ALDH16A1: variants seen among roughly 807,000 people sequenced by gnomAD.
ALDH16A1 encodes aldehyde dehydrogenase family 16 member A1.
ALDH16A1 carries 88 observed loss-of-function variants against 96.1 expected under a neutral mutation model. The ratio of observed to expected loss-of-function variants is 0.92; its 90% CI spans 0.77 to 1.09. The LOEUF (loss-of-function observed/expected upper bound fraction) is 1.09. Ranked by LOEUF, ALDH16A1 falls within the 50% of genes least tolerant of loss-of-function variation. ALDH16A1 has a pLI of 0.00. For missense variants in ALDH16A1, 1,250 were observed against 1,112.6 expected (o/e 1.12, Z -1.76); for synonymous variants, 522 against 496.4 (o/e 1.05, Z -0.69).
intron 10 of ALDH16A1, 30 bp downstream of exon 10, chr19:49,464,293 C>G: frequency 6.3e-7 from 1 of 1,595,978 alleles, no homozygotes; most frequent in South Asian, 1.1e-5. Context: ...GCGCTCACTC[C>G]TCTCCTCATT....
At chr19:49,460,656 C>T (rs543585924) in intron 4 of ALDH16A1, among the ~76,000 whole-genome samples, 166 bp from the exon 5 acceptor site, 7 of 151,920 alleles carry the variant, frequency 4.6e-5, no homozygotes, top group South Asian at 2.1e-4. Flanking sequence ...TCAGGTGATC[C>T]GCCCACCTCG....
At position 49,453,342 on chromosome 19, in the gene ALDH16A1, C is replaced by A. The variant is rs2079082182; in HGVS notation, c.11C>A (p.Thr4Lys). The A allele has an allele frequency of 6.4e-7, 1 of 1,554,772 alleles. No homozygotes were observed. ...CGTTCGGGGTAGGCGATGGCTGCGA[C>A]GCGTGCAGGGCCCCGCGCCCGCGAG... MAA[T>K]RAGPRAREIF... is the part of the protein sequence containing the mutation. Residue 4 changes from threonine to lysine, a missense_variant, in exon 1 of 17, where the codon ACG becomes AAG. Thr to Lys is a moderately conservative substitution (Grantham distance 78). Transcript: ENST00000293350.
rs916268898 is a variant in ALDH16A1 at position 49,470,653 on chromosome 19, T to C, written c.*186T>C. 13 of 520,690 alleles carry C rather than the reference T, an allele frequency of 2.5e-5. No individual in the cohort carries two copies. The highest frequency in any genetic ancestry group is 4.5e-5 in the Admixed American group (1 of 22,276). The allele number at this position is 520,690 out of a possible 1,614,324, so 32.3% of individuals were successfully genotyped here. A position where few individuals can be genotyped will look rare whatever the true frequency, so the allele number is the denominator to read the frequency against. On this transcript the variant is annotated 3_prime_UTR_variant, in exon 17 of 17. Coordinates refer to ENST00000293350, the MANE Select transcript of ALDH16A1 (RefSeq NM_153329.4). The stretch of plus-strand genomic sequence containing the variant: ...GGCAGATATGAGGCTTTTTTCTTTT[T>C]TTTTTTTTTTTTTGAGACAACGTCT...
At chr19:49,460,218 A>G (rs1372218388) in intron 4 of ALDH16A1, among the ~76,000 whole-genome samples, 1 of 151,386 alleles carries the variant, frequency 6.6e-6, no homozygotes, top group Non-Finnish European at 1.5e-5. Flanking sequence ...CGGTCCCCTC[A>G]TTCTTTTTCT....
In ALDH16A1 at chr19:49,468,276, G is replaced by A; in HGVS notation, c.1939-105G>A. ...TGGCAGGGGCTTCCACAATGGTGCGGTTTGGGCCAACACCAAGTGTTGGGG... is the reference window on the plus strand; with the variant it reads ...TGGCAGGGGCTTCCACAATGGTGCGATTTGGGCCAACACCAAGTGTTGGGG... On this transcript the variant is annotated intron_variant, in intron 14 of 16. Transcript: ENST00000293350. The surrounding 1 kb of genome is among the most constrained non-coding windows in gnomAD (Gnocchi z 4.4). The A allele has an allele frequency of 2.4e-6, 3 of 1,238,772 alleles. No individual in the cohort carries two copies. Among genetic ancestry groups the A allele is most frequent in the African/African-American group, 1.5e-5 (1 of 66,850 alleles). The allele number at this position is 1,238,772 out of a possible 1,614,324, so 76.7% of individuals were successfully genotyped here.
Position 49,464,278 on chromosome 19 carries a change from C to T in ALDH16A1, c.1331+15C>T. The T allele has an allele frequency of 1.3e-6, 2 of 1,598,988 alleles. No homozygotes were observed. Among genetic ancestry groups the T allele is most frequent in the Non-Finnish European group, 1.7e-6 (2 of 1,177,402 alleles). On this transcript the variant is annotated intron_variant, in intron 10 of 16. Coordinates refer to ENST00000293350, the MANE Select transcript of ALDH16A1 (RefSeq NM_153329.4). ...CTGGGCTATGGGTCAGTCTGCGTGG[C>T]CCGGGCGCTCACTCCTCTCCTCATT... is the stretch of plus-strand genomic sequence containing the variant.
At position 49,468,322 on chromosome 19, in the gene ALDH16A1, C is replaced by A; in HGVS notation, c.1939-59C>A. ...TGGGGAGAATGTAGAGGAACTGGAT[C>A]TCTCATTTACTGCGGGCGGGGCTCC... On this transcript the variant is annotated intron_variant, in intron 14 of 16. Transcript: ENST00000293350. The surrounding 1 kb of genome is among the most constrained non-coding windows in gnomAD (Gnocchi z 4.4). 6.5e-7 allele frequency: 1 copy of A among 1,532,848 alleles called. No individual in the cohort carries two copies. Among genetic ancestry groups the A allele is most frequent in the Non-Finnish European group, 8.8e-7 (1 of 1,134,538 alleles). The allele number at this position is 1,532,848 out of a possible 1,614,324, so 95.0% of individuals were successfully genotyped here. A position where few individuals can be genotyped will look rare whatever the true frequency, so the allele number is the denominator to read the frequency against.
chr19:49,469,167 C>A, intron 16 of ALDH16A1, 181 bp downstream of exon 16: 1 of 865,092 alleles, frequency 1.2e-6, no homozygotes, highest in Non-Finnish European at 1.7e-6. Context: ...CTGTCCTTAG[C>A]AACAGGGGCC....
chr19:49,461,786 T>C lies in ALDH16A1; in HGVS notation c.745T>C (p.Cys249Arg). The C allele has an allele frequency of 6.2e-7, 1 of 1,611,202 alleles. No homozygotes were observed. The highest frequency in any genetic ancestry group is 8.5e-7 in the Non-Finnish European group (1 of 1,178,826). ...GCCTGGAATCCGGAAGGTGGCCTTC[T>C]GCGGAGCCCCGGAGGTACCTTCGGG... ...SQPGIRKVAF[C>R]GAPEEGRALR... The change falls in exon 6 of 17, where the codon TGC (cysteine) becomes CGC (arginine). Residue 249 changes from cysteine to arginine, a missense_variant. Physicochemically the swap from Cys to Arg is radical, Grantham distance 180. Coordinates refer to ENST00000293350, the MANE Select transcript of ALDH16A1 (RefSeq NM_153329.4).
At position 49,461,642 on chromosome 19, in the gene ALDH16A1, C is replaced by A; in HGVS notation, c.601C>A (p.Pro201Thr). The A allele has an allele frequency of 6.3e-7, 1 of 1,597,284 alleles. No individual in the cohort carries two copies. The change falls in exon 6 of 17, where the codon CCC (proline) becomes ACC (threonine). Residue 201 changes from proline to threonine, a missense_variant. Pro to Thr is a conservative substitution (Grantham distance 38). Transcript: ENST00000293350. ...AGGCTGCACCGTGGTGGCCCTCGTGCCCCCGGCCTCCCCGGCGCCCCTCCT... is the reference window on the plus strand; with the variant it reads ...AGGCTGCACCGTGGTGGCCCTCGTGACCCCGGCCTCCCCGGCGCCCCTCCT... Reference protein sequence around the residue: ...AVGCTVVALVPPASPAPLLLA... With the variant: ...AVGCTVVALVTPASPAPLLLA...
At chr19:49,462,097 C>G (rs1601028932) in intron 7 of ALDH16A1, 61 bp downstream of exon 7, 1 of 1,462,342 alleles carries the variant, frequency 6.8e-7, no homozygotes, top group East Asian at 2.6e-5. Context: ...TGTCTCCAGT[C>G]TTCGGGGTCC....
At chr19:49,460,483 C>T (rs1261043804) in intron 4 of ALDH16A1, among the ~76,000 whole-genome samples, 3 of 148,712 alleles carry the variant, frequency 2.0e-5, no homozygotes, top group Admixed American at 6.7e-5. Flanking sequence ...GGTGCGATCT[C>T]GGCTCACTGG....
At position 49,461,964 on chromosome 19, in the gene ALDH16A1, G is replaced by T. The variant is rs772130759; in HGVS notation, c.840G>T (p.Leu280=). 3.6e-5 allele frequency: 56 copies of T among 1,564,524 alleles called. No homozygotes were observed. In the East Asian group the frequency reaches 1.2e-3, roughly 34 times the overall value. Residue 280 remains leucine (L), a synonymous_variant, in exon 7 of 17, where the codon CTG becomes CTT. Transcript: ENST00000293350. ...GLALGTESLL[L]LTDTADVDSA... ...CGCTGGGGACGGAGTCGCTGCTGCTGCTGACGGACACGGCGGACGTAGACT... is the reference window on the plus strand; with the variant it reads ...CGCTGGGGACGGAGTCGCTGCTGCTTCTGACGGACACGGCGGACGTAGACT...
chr19:49,462,542 G>C (rs938922947), intron 7 of ALDH16A1, 28 bp from the exon 8 acceptor site: 1 of 1,606,674 alleles, frequency 6.2e-7, no homozygotes. Flanking sequence ...GCAATGGTGT[G>C]ATCTCCTGAT....
At position 49,454,034 on chromosome 19, in the gene ALDH16A1, T is replaced by TTTTTTTG. The variant is rs1465211947; in HGVS notation, c.90+619_90+620insGTTTTTT. On this transcript the variant is annotated intron_variant, in intron 1 of 16. Transcript: ENST00000293350. Reference sequence around the variant, plus strand: ...GTTTGGGTTGGGTTTTTTTTTTGTTTTTTTTTTTGAGCCAGGGTCTCACTC... The same window carrying TTTTTTTG: ...GTTTGGGTTGGGTTTTTTTTTTGTTTTTTTTTGTTTTTTTTGAGCCAGGGTCTCACTC... Among the ~76,000 whole-genome samples the TTTTTTTG allele has an allele frequency of 5.9e-4, 87 of 148,378 alleles. 1 individual carries two copies. In the East Asian group the frequency reaches 0.016, roughly 27 times the overall value.
chr19:49,461,841 G>A, intron 6 of ALDH16A1, 41 bp downstream of exon 6: 1 of 1,600,190 alleles, frequency 6.2e-7, no homozygotes, highest in Non-Finnish European at 8.5e-7. Context: ...GCGGCTGGGG[G>A]CCGCAAGGCT....
Position 49,460,209 on chromosome 19 carries a change from G to A in ALDH16A1, c.499+361G>A, listed in dbSNP as rs547275729. Reference sequence around the variant, plus strand: ...ATTACAGGCATGAGCCACCGTGCCCGGTCCCCTCATTCTTTTTCTTTTGTT... The same window carrying A: ...ATTACAGGCATGAGCCACCGTGCCCAGTCCCCTCATTCTTTTTCTTTTGTT... On this transcript the variant is annotated intron_variant, in intron 4 of 16. Transcript: ENST00000293350. Among the ~76,000 whole-genome samples the A allele has an allele frequency of 1.6e-4, 24 of 151,540 alleles. No individual in the cohort carries two copies. In the South Asian group the frequency reaches 2.1e-3, roughly 13 times the overall value.
chr19:49,466,036 G>A (rs368421497), intron 13 of ALDH16A1, 46 bp from the exon 14 acceptor site: 59 of 1,538,426 alleles, frequency 3.8e-5, no homozygotes, highest in Non-Finnish European at 4.7e-5. Context: ...TGTCAGGAGA[G>A]CCAAGACCAG....
At position 49,461,753 on chromosome 19, in the gene ALDH16A1, G is replaced by C; in HGVS notation, c.712G>C (p.Ala238Pro). The change falls in exon 6 of 17, where the codon GCC (alanine) becomes CCC (proline). Residue 238 changes from alanine (A) to proline (P), a missense_variant. By Grantham distance (27) the Ala-to-Pro change is conservative. Transcript: ENST00000293350. ...SGPASLVPIL[A>P]SQPGIRKVAF... ...CCCTGCGTCCCTGGTGCCCATCCTG[G>C]CCTCCCAGCCTGGAATCCGGAAGGT... 1 of 1,610,738 alleles carries C rather than the reference G, an allele frequency of 6.2e-7. No individual in the cohort carries two copies. Among genetic ancestry groups the C allele is most frequent in the Non-Finnish European group, 8.5e-7 (1 of 1,178,608 alleles).
Sources: gnomAD v4.1 joint callset for allele counts (sites outside exome capture counted in the v4.1 genomes callset) on GRCh38, gnomAD v4.1.1 for gene constraint, Gnocchi (gnomAD v3.1) non-coding constraint, MANE v1.5 for transcripts, NCBI Gene and HGNC (gene_info 2026-07-23, HGNC 2026-07-21) for gene names.